MACROD2: variants seen among roughly 807,000 people sequenced by gnomAD.
The protein encoded by MACROD2 is mono-ADP ribosylhydrolase 2.
A neutral mutation model predicts 70.4 loss-of-function variants in MACROD2; 36 were observed. That is an observed-to-expected ratio of 0.51 (90% CI 0.39 to 0.68). MACROD2 has a LOEUF of 0.68. Among genes scored for constraint, MACROD2 ranks in the 30% least tolerant of loss-of-function variants. The pLI, the probability that MACROD2 is intolerant of heterozygous loss-of-function variation, is 0.00. For synonymous variants in MACROD2, 172 were observed against 178.8 expected (o/e 0.96, Z 0.30); for missense variants, 496 against 538.4 (o/e 0.92, Z 0.78).
At chr20:14,044,959 C>T (rs547173184) in intron 2 of MACROD2, among the ~76,000 whole-genome samples, 4 of 152,250 alleles carry the variant, frequency 2.6e-5, no homozygotes, top group Non-Finnish European at 5.9e-5. Flanking sequence ...CTGCAGGTCC[C>T]AAGCCCTGCC....
At chr20:14,886,731 C>T (rs150727736) in intron 5 of MACROD2, among the ~76,000 whole-genome samples, 36 of 152,192 alleles carry the variant, frequency 2.4e-4, no homozygotes, top group Admixed American at 6.5e-4. Flanking sequence ...AGCCAGCTCC[C>T]GTGCTAATCT....
rs2073596477 is a variant in MACROD2, at chr20:14,880,300, A to G, written c.418+195341A>G. The stretch of plus-strand genomic sequence containing the variant: ...CCTGATATGTTACAAAATCAATTTT[A>G]TCTTCTGCTGCATTTCATGTGACAA... On this transcript the variant is annotated intron_variant, in intron 5 of 17. Transcript: ENST00000684519. Among the ~76,000 whole-genome samples the G allele has an allele frequency of 3.3e-5, 5 of 152,340 alleles. No individual in the cohort carries two copies. The South Asian group carries it at 1.0e-3, about 32-fold the overall frequency.
chr20:15,177,819 C>A (rs2076473230), intron 5 of MACROD2, among the ~76,000 whole-genome samples: 1 of 152,002 alleles, frequency 6.6e-6, no homozygotes, highest in Admixed American at 6.5e-5. Context: ...TTTAAATTTC[C>A]ATTGAATGAA....
intron 3 of MACROD2, among the ~76,000 whole-genome samples, chr20:14,463,381 A>T (rs1356873001): frequency 2.0e-5 from 3 of 151,936 alleles, no homozygotes; most frequent in African/African-American, 7.3e-5. Context: ...TTGCACATTG[A>T]TTTTGTATCC....
chr20:14,944,321 G>T (rs2074412835), intron 5 of MACROD2, among the ~76,000 whole-genome samples: 1 of 152,180 alleles, frequency 6.6e-6, no homozygotes, highest in Non-Finnish European at 1.5e-5. Flanking sequence ...TCTTATCAAA[G>T]ATTGTATGTG....
chr20:15,425,797 G>A (rs1003968029), intron 6 of MACROD2, among the ~76,000 whole-genome samples: 1 of 152,190 alleles, frequency 6.6e-6, no homozygotes, highest in Non-Finnish European at 1.5e-5. Flanking sequence ...ATGGGATGAC[G>A]ATGGATGAGC....
chr20:15,051,614 A>G (rs771707303), intron 5 of MACROD2, among the ~76,000 whole-genome samples: 4 of 152,108 alleles, frequency 2.6e-5, no homozygotes, highest in Admixed American at 2.0e-4. Flanking sequence ...AATCTCCTCC[A>G]CTTCAAGTTA....
intron 4 of MACROD2, among the ~76,000 whole-genome samples, chr20:14,585,152 C>T (rs1028812): frequency 0.64 from 97,762 of 152,050 alleles, 32,980 homozygotes; most frequent in East Asian, 0.93. Context: ...AGCTGAGTCC[C>T]GAAGTTGACA....
At chr20:14,062,626 C>G (rs1376284784) in intron 2 of MACROD2, among the ~76,000 whole-genome samples, 1 of 152,034 alleles carries the variant, frequency 6.6e-6, no homozygotes, top group Non-Finnish European at 1.5e-5. Flanking sequence ...GGGCCAGAGA[C>G]TTTTATCTTT....
chr20:15,491,059 A>G (rs961666905), intron 7 of MACROD2, among the ~76,000 whole-genome samples: 2 of 152,250 alleles, frequency 1.3e-5, no homozygotes, highest in East Asian at 3.8e-4. Flanking sequence ...GATAAATGCT[A>G]CTAAGTAGAG....
At chr20:14,652,368 C>T (rs1230949358) in intron 4 of MACROD2, among the ~76,000 whole-genome samples, 1 of 152,176 alleles carries the variant, frequency 6.6e-6, no homozygotes, top group East Asian at 1.9e-4. Flanking sequence ...TGTCGAACTG[C>T]AGCTTTTGTA....
At chr20:14,692,278 C>A (rs569926203) in intron 5 of MACROD2, among the ~76,000 whole-genome samples, 103 of 152,312 alleles carry the variant, frequency 6.8e-4, no homozygotes, top group African/African-American at 2.4e-3. Context: ...TCCAGTAGCA[C>A]CCTTGCCTTG....
At chr20:15,318,090 C>T (rs938390809) in intron 6 of MACROD2, among the ~76,000 whole-genome samples, 4 of 151,990 alleles carry the variant, frequency 2.6e-5, no homozygotes, top group African/African-American at 7.2e-5. Flanking sequence ...AGAAGTTGCA[C>T]TTAACTGAAA....
intron 6 of MACROD2, among the ~76,000 whole-genome samples, chr20:15,237,005 G>A (rs1416424849): frequency 6.6e-6 from 1 of 152,144 alleles, no homozygotes; most frequent in Non-Finnish European, 1.5e-5. Context: ...TTTGGGCAGT[G>A]ACAACAACTA....
intron 13 of MACROD2, among the ~76,000 whole-genome samples, chr20:15,971,401 C>T (rs957105427): frequency 6.6e-6 from 1 of 152,022 alleles, no homozygotes; most frequent in Non-Finnish European, 1.5e-5. Context: ...GAGATCTGAT[C>T]GTTTTATAAA....
intron 5 of MACROD2, among the ~76,000 whole-genome samples, chr20:14,838,200 T>C (rs1351452812): frequency 6.6e-6 from 1 of 152,080 alleles, no homozygotes; most frequent in Non-Finnish European, 1.5e-5. Flanking sequence ...CAGGAACCAT[T>C]AAATTCAGTG....
chr20:14,844,053 G>A (rs983734328), intron 5 of MACROD2, among the ~76,000 whole-genome samples: 2 of 152,008 alleles, frequency 1.3e-5, no homozygotes, highest in Admixed American at 1.3e-4. Flanking sequence ...AGATATCTCA[G>A]TGCATATCTG....
At chr20:15,113,763 A>AGTGTGTGTGTGTGTGT (rs71340210) in intron 5 of MACROD2, among the ~76,000 whole-genome samples, 2,288 of 144,194 alleles carry the variant, frequency 0.016, 34 homozygotes, top group South Asian at 0.052. Flanking sequence ...GTAGTCTTGA[A>AGTGTGTGTGTGTGTGT]GTGTGTGTGT....
chr20:14,320,128 CA>C (rs2082645748), intron 3 of MACROD2, among the ~76,000 whole-genome samples: 1 of 152,154 alleles, frequency 6.6e-6, no homozygotes, highest in Non-Finnish European at 1.5e-5. Context: ...TGTTCAAAGC[CA>C]ACATTTACAA....
Sources: allele counts gnomAD v4.1 joint callset (sites outside exome capture counted in the v4.1 genomes callset), GRCh38; gene constraint gnomAD v4.1.1; transcripts MANE v1.5; gene names NCBI Gene and HGNC (gene_info 2026-07-23, HGNC 2026-07-21).